XPOT: variants seen among roughly 807,000 people sequenced by gnomAD.
XPOT encodes the protein exportin for tRNA.
A neutral mutation model predicts 128.2 loss-of-function variants in XPOT; 34 were observed. The observed-to-expected ratio is 0.27, with a 90% CI of 0.20 to 0.35. The LOEUF is 0.35. Among genes scored for constraint, XPOT ranks in the 10% least tolerant of loss-of-function variants. The probability of loss-of-function intolerance (pLI) is 1.00; values close to 1 mark genes in which losing one functional copy is unlikely to be tolerated. For synonymous variants in XPOT, 348 were observed against 394.3 expected, an observed-to-expected ratio of 0.88 and a Z score of 1.39; for missense variants, 838 against 1,125.3, an observed-to-expected ratio of 0.74 and a Z score of 3.65.
rs745541784 is a variant in XPOT at position 64,417,997 on chromosome 12, A to G, written c.201-49A>G. On this transcript the variant is annotated intron_variant, in intron 4 of 24. Coordinates refer to ENST00000332707, the MANE Select transcript of XPOT (RefSeq NM_007235.6). ...TATGAGGCTGTTATTTTTTACAACC[A>G]TAGACACCAAATATAGCCATTATTC... The G allele has an allele frequency of 2.4e-5, 35 of 1,483,140 alleles. 1 individual carries two copies. The South Asian group carries it at 3.2e-4, about 13-fold the overall frequency. The allele number at this position is 1,483,140 out of a possible 1,614,324, so 91.9% of individuals were successfully genotyped here.
chr12:64,416,628 C>T, intron 3 of XPOT, 70 bp from the exon 4 acceptor site: 1 of 1,297,558 alleles, frequency 7.7e-7, no homozygotes, highest in Non-Finnish European at 1.1e-6. Flanking sequence ...TTACTCATTA[C>T]TATTTTGCCT....
At chr12:64,415,846 C>G (rs1183103498) in intron 3 of XPOT, among the ~76,000 whole-genome samples, 1 of 152,170 alleles carries the variant, frequency 6.6e-6, no homozygotes, top group African/African-American at 2.4e-5. Context: ...GGTCTCTGTA[C>G]AATGAGTGAC....
rs1447868493 is a variant in XPOT at position 64,448,788 on chromosome 12, G to A, written c.*657G>A. ...TAAAGGTTTACAAATATGAGTGTGT[G>A]GATGCTTTAATTCATTTAACCTCAC... On this transcript the variant is annotated 3_prime_UTR_variant, in exon 25 of 25. Transcript: ENST00000332707. 1.3e-5 allele frequency: 2 copies of A among 152,056 alleles called. No individual in the cohort carries two copies. Among genetic ancestry groups the A allele is most frequent in the African/African-American group, 4.8e-5 (2 of 41,384 alleles). 9.4% of individuals were successfully genotyped at this position (152,056 alleles called of 1,614,324 possible).
At position 64,423,234 on chromosome 12, in the gene XPOT, TTGAAAA is replaced by T; in HGVS notation, c.1176_1181del (p.Asn393_Glu394del). On this transcript the variant is annotated inframe_deletion, in exon 11 of 25. Transcript: ENST00000332707. ...TTGACTTACGATGAAGAATATAACT[TTGAAAA>T]TGAGGTAAGAATTTTTTTTTGTTGA... is the stretch of plus-strand genomic sequence containing the variant. 1 of 1,579,010 alleles carries T rather than the reference TTGAAAA, an allele frequency of 6.3e-7. No individual in the cohort carries two copies.
In XPOT at chr12:64,421,376, G is replaced by A. The variant is rs150334342; in HGVS notation, c.985G>A (p.Val329Met). The change falls in exon 9 of 25, where the codon GTG becomes ATG. Residue 329 changes from valine to methionine, a missense_variant. Physicochemically the swap from Val to Met is conservative, Grantham distance 21. Transcript: ENST00000332707. ...QEALQAIETK[V>M]ALMLQLLIHE... ...GGCACTACAAGCTATTGAAACAAAA[G>A]TGGCACTGATGTTGCAGCTACTAAT... 8 of 1,613,982 alleles carry A rather than the reference G, an allele frequency of 5.0e-6. No individual in the cohort carries two copies. Among genetic ancestry groups the A allele is most frequent in the Middle Eastern group, 1.6e-4 (1 of 6,084 alleles).
At chr12:64,429,584 A>C (rs1178945322) in intron 16 of XPOT, among the ~76,000 whole-genome samples, 1 of 151,948 alleles carries the variant, frequency 6.6e-6, no homozygotes, top group Non-Finnish European at 1.5e-5. Flanking sequence ...CTGGGACTAC[A>C]GGTGCGCCAC....
chr12:64,408,879 G>A (rs1381578542), intron 1 of XPOT, among the ~76,000 whole-genome samples: 1 of 152,058 alleles, frequency 6.6e-6, no homozygotes, highest in Admixed American at 6.6e-5. Context: ...TCACCGTATT[G>A]GTCAGGCTGG....
At chr12:64,428,747 G>C (rs1387915295) in intron 16 of XPOT, among the ~76,000 whole-genome samples, 2 of 152,148 alleles carry the variant, frequency 1.3e-5, no homozygotes, top group Non-Finnish European at 2.9e-5. Flanking sequence ...ATTTTTAAAA[G>C]GGAATGTATT....
chr12:64,425,357 G>C lies in XPOT; in HGVS notation c.1472G>C (p.Ser491Thr), dbSNP rs1437832417. ...MMRTLVTSGV[S>T]SYQHTSVTLE... is the part of the protein sequence containing the mutation. ...ATCTAGCTGGTAACATCAGGAGTCA[G>C]TTCCTATCAGCATACATCTGTGACA... The change falls in exon 14 of 25, where the codon AGT becomes ACT. Residue 491 changes from serine to threonine, a missense_variant. Around this residue, in one of 3 missense-constraint regions of XPOT, gnomAD observed 761 missense variants for 988.3 expected, o/e 0.77. Transcript: ENST00000332707. 1 of 1,613,242 alleles carries C rather than the reference G, an allele frequency of 6.2e-7. No homozygotes were observed. The highest frequency in any genetic ancestry group is 1.1e-5 in the South Asian group (1 of 91,026).
rs200283151 is a variant in XPOT, at chr12:64,433,513, G to T, written c.2362G>T (p.Ala788Ser). Residue 788 changes from alanine (A) to serine (S), a missense_variant, in exon 19 of 25, where the codon GCT becomes TCT. Ala to Ser is a moderately conservative substitution (Grantham distance 99). Coordinates refer to ENST00000332707, the MANE Select transcript of XPOT (RefSeq NM_007235.6). ...AGCAGAAGAAAATGACCAGTCTGCT[G>T]CTTTAGAGAAGCAGATGTTGCGGAG... is the stretch of plus-strand genomic sequence containing the variant. ...RPAEENDQSAALEKQMLRRSY... is the reference protein window; with the variant it reads ...RPAEENDQSASLEKQMLRRSY... The T allele has an allele frequency of 3.4e-5, 55 of 1,613,060 alleles. No homozygotes were observed. In the East Asian group the frequency reaches 1.2e-3, roughly 34 times the overall value.
chr12:64,411,715 AATT>A (rs2040039921), intron 2 of XPOT, among the ~76,000 whole-genome samples: 1 of 152,112 alleles, frequency 6.6e-6, no homozygotes, highest in Non-Finnish European at 1.5e-5. Flanking sequence ...GTGGAAACTT[AATT>A]CAGTTTGGTG....
intron 24 of XPOT, 31 bp from the exon 25 acceptor site, chr12:64,448,074 A>G (rs1436717149): frequency 1.2e-6 from 2 of 1,604,418 alleles, no homozygotes; most frequent in East Asian, 4.5e-5. Flanking sequence ...TTCTGACATT[A>G]GTATTGATTG....
At position 64,435,681 on chromosome 12, in the gene XPOT, CT is replaced by C; in HGVS notation, c.2733+11del. 3 of 1,601,308 alleles carry C rather than the reference CT, an allele frequency of 1.9e-6. No homozygotes were observed. The highest frequency in any genetic ancestry group is 1.7e-5 in the Admixed American group (1 of 59,110). ...AACAATTCATCTCAAACGGGTAAGC[CT>C]TTTAGTCCATGCCCCTTCATTTTCA... On this transcript the variant is annotated splice_region_variant and intron_variant, in intron 22 of 24. Transcript: ENST00000332707.
intron 16 of XPOT, among the ~76,000 whole-genome samples, chr12:64,429,625 G>A (rs1251014657): frequency 6.6e-6 from 1 of 152,016 alleles, no homozygotes; most frequent in East Asian, 1.9e-4. Flanking sequence ...ATTTTTAGTA[G>A]AGACAGGGTT....
intron 2 of XPOT, among the ~76,000 whole-genome samples, chr12:64,413,923 G>A (rs912789604): frequency 6.6e-6 from 1 of 152,146 alleles, no homozygotes; most frequent in African/African-American, 2.4e-5. Flanking sequence ...AGACACCACC[G>A]TTTTAAAAAT....
chr12:64,420,799 T>G lies in XPOT; in HGVS notation c.843+278T>G, dbSNP rs2040130837. 2.6e-5 allele frequency among the ~76,000 whole-genome samples: 4 copies of G among 152,236 alleles called. No individual in the cohort carries two copies. In the South Asian group the frequency reaches 8.3e-4, roughly 32 times the overall value. On this transcript the variant is annotated intron_variant, in intron 8 of 24. Coordinates refer to ENST00000332707, the MANE Select transcript of XPOT (RefSeq NM_007235.6). ...CTTGTTCATAGTGGAATTGAGATTT[T>G]TTGTTTTGTTTTGTTTTTTGAGATG...
intron 1 of XPOT, among the ~76,000 whole-genome samples, chr12:64,405,899 A>C (rs1240404318): frequency 6.6e-6 from 1 of 151,796 alleles, no homozygotes; most frequent in Non-Finnish European, 1.5e-5. Context: ...TACAGGCGTG[A>C]GCCACCGCGC....
At chr12:64,410,597 T>C (rs1314881860) in intron 2 of XPOT, among the ~76,000 whole-genome samples, 1 of 152,210 alleles carries the variant, frequency 6.6e-6, no homozygotes, top group African/African-American at 2.4e-5. Context: ...GCTAGGATTA[T>C]AGGCATGAGT....
intron 24 of XPOT, among the ~76,000 whole-genome samples, chr12:64,446,981 T>A (rs1455972156): frequency 6.6e-6 from 1 of 152,186 alleles, no homozygotes; most frequent in African/African-American, 2.4e-5. Context: ...GATTTACAGT[T>A]CCACATGGCA....
Sources: allele counts gnomAD v4.1 joint callset (sites outside exome capture counted in the v4.1 genomes callset), GRCh38; gene constraint gnomAD v4.1.1; regional missense constraint gnomAD v4.1.1; transcripts MANE v1.5; gene names NCBI Gene and HGNC (gene_info 2026-07-23, HGNC 2026-07-21).